OPA3: variants seen among roughly 807,000 people sequenced by gnomAD.
OPA3 encodes optic atrophy 3 protein.
Under a neutral mutation model 4.0 loss-of-function variants are expected in OPA3, and 6 were observed. The ratio of observed to expected loss-of-function variants is 1.51; its 90% CI spans 0.83 to 2.99. OPA3 has a LOEUF of 2.99. Ranked by LOEUF, OPA3 falls within the 30% of genes most tolerant of loss-of-function variation. The probability of loss-of-function intolerance (pLI) is 0.00; values close to 1 mark genes in which losing one functional copy is unlikely to be tolerated. For missense variants in OPA3, 235 were observed against 256.2 expected (o/e 0.92, Z 0.56); for synonymous variants, 105 against 117.1 (o/e 0.90, Z 0.67).
In OPA3 at chr19:45,552,064, T is replaced by C. The variant is rs958446193; in HGVS notation, c.*1450A>G. Reference sequence around the variant, plus strand: ...AATTTCCCACCACGGAAAGGGGGGTTGGAGGACATTCACAGAAAAGATCCT... The same window carrying C: ...AATTTCCCACCACGGAAAGGGGGGTCGGAGGACATTCACAGAAAAGATCCT... On this transcript the variant is annotated 3_prime_UTR_variant, in exon 2 of 2. Transcript: ENST00000263275. 1.0e-6 allele frequency: 1 copy of C among 985,412 alleles called. No individual in the cohort carries two copies. Among genetic ancestry groups the C allele is most frequent in the Non-Finnish European group, 1.2e-6 (1 of 830,012 alleles). 61.0% of individuals were successfully genotyped at this position (985,412 alleles called of 1,614,324 possible).
chr19:45,546,047 C>T (rs1969244887), downstream of OPA3, among the ~76,000 whole-genome samples: 5 of 151,932 alleles, frequency 3.3e-5, no homozygotes, highest in South Asian at 2.1e-4. Context: ...TAAAAAGTAA[C>T]GAAGTTGCCC....
At chr19:45,562,545 TG>T (rs1969520672) in intron 1 of OPA3, among the ~76,000 whole-genome samples, 1 of 148,004 alleles carries the variant, frequency 6.8e-6, no homozygotes, top group Non-Finnish European at 1.5e-5. Context: ...AAAGATTAGC[TG>T]GGTGTGATGG....
At position 45,550,813 on chromosome 19, in the gene OPA3, G is replaced by A. The variant is rs977316782; in HGVS notation, c.*2701C>T. ...CTCCTCTAATGAGAGAGCTACAGTC[G>A]GAAGGACAGACTGCAGGCTACTGGG... On this transcript the variant is annotated 3_prime_UTR_variant, in exon 2 of 2. Transcript: ENST00000263275. 2.6e-5 allele frequency: 26 copies of A among 986,038 alleles called. No individual in the cohort carries two copies. Among genetic ancestry groups the A allele is most frequent in the Admixed American group, 1.2e-4 (2 of 16,268 alleles). 61.1% of individuals were successfully genotyped at this position (986,038 alleles called of 1,614,324 possible).
intron 1 of OPA3, among the ~76,000 whole-genome samples, chr19:45,532,970 C>T (rs1969075498): frequency 6.6e-6 from 1 of 152,074 alleles, no homozygotes; most frequent in Non-Finnish European, 1.5e-5. Context: ...CGGCTCACTG[C>T]AACCTCTGCC....
chr19:45,552,196 C>T lies in OPA3; in HGVS notation c.*1318G>A, dbSNP rs2122431779. 4 of 982,898 alleles carry T rather than the reference C, an allele frequency of 4.1e-6. No homozygotes were observed. The highest frequency in any genetic ancestry group is 4.8e-6 in the Non-Finnish European group (4 of 828,982). The allele number at this position is 982,898 out of a possible 1,614,324, so 60.9% of individuals were successfully genotyped here. The stretch of plus-strand genomic sequence containing the variant: ...AAGGTACAATGATTCCAGGGATTGA[C>T]TGCAGGCCAGGACCTTTTGTGGGTT... On this transcript the variant is annotated 3_prime_UTR_variant, in exon 2 of 2. Coordinates refer to ENST00000263275, the MANE Select transcript of OPA3 (RefSeq NM_025136.4).
chr19:45,540,398 T>G (rs61533891), intron 1 of OPA3, among the ~76,000 whole-genome samples: 22,250 of 151,492 alleles, frequency 0.15, 1,780 homozygotes, highest in African/African-American at 0.2. Flanking sequence ...CCTTGCTGTT[T>G]AAACAAACAA....
In OPA3 at chr19:45,549,884, G is replaced by A. The variant is rs1969306140; in HGVS notation, c.*3630C>T. The A allele has an allele frequency of 5.1e-6, 5 of 985,326 alleles. No homozygotes were observed. Among genetic ancestry groups the A allele is most frequent in the African/African-American group, 1.7e-5 (1 of 57,194 alleles). 61.0% of individuals were successfully genotyped at this position (985,326 alleles called of 1,614,324 possible). A position where few individuals can be genotyped will look rare whatever the true frequency, so the allele number is the denominator to read the frequency against. ...ACTGAAATGCTGTTTCAGGCCAGGCGCGGTGGCTCACGCCTGTAATCCCAG... is the reference window on the plus strand; with the variant it reads ...ACTGAAATGCTGTTTCAGGCCAGGCACGGTGGCTCACGCCTGTAATCCCAG... On this transcript the variant is annotated 3_prime_UTR_variant, in exon 2 of 2. Coordinates refer to ENST00000263275, the MANE Select transcript of OPA3 (RefSeq NM_025136.4).
chr19:45,570,755 C>T (rs936897054), intron 1 of OPA3, among the ~76,000 whole-genome samples: 9 of 143,670 alleles, frequency 6.3e-5, no homozygotes, highest in Non-Finnish European at 1.2e-4. Context: ...CCCAGCTGCT[C>T]GGGAGGCTGA....
At chr19:45,540,592 G>A (rs1282057478) in intron 1 of OPA3, among the ~76,000 whole-genome samples, 2 of 151,214 alleles carry the variant, frequency 1.3e-5, no homozygotes, top group Admixed American at 6.6e-5. Flanking sequence ...AAGGGGGCCA[G>A]GCACGGTGGC....
At position 45,553,691 on chromosome 19, in the gene OPA3, C is replaced by G. The variant is rs1371810069; in HGVS notation, c.363G>C (p.Ala121=). 6.2e-7 allele frequency: 1 copy of G among 1,606,454 alleles called. No individual in the cohort carries two copies. Among genetic ancestry groups the G allele is most frequent in the Non-Finnish European group, 8.5e-7 (1 of 1,178,794 alleles). Residue 121 remains alanine, a synonymous_variant, in exon 2 of 2, where the codon GCG becomes GCC. Transcript: ENST00000263275. The part of the protein sequence containing the change: ...KEEEQRAAWN[A]LRDEVGHLAL... ...CCAGGTGGCCCACCTCGTCCCGCAGCGCGTTCCAGGCAGCACGCTGCTCCT... is the reference window on the plus strand; with the variant it reads ...CCAGGTGGCCCACCTCGTCCCGCAGGGCGTTCCAGGCAGCACGCTGCTCCT...
intron 1 of OPA3, among the ~76,000 whole-genome samples, chr19:45,580,130 G>A (rs1243872224): frequency 6.6e-6 from 1 of 151,222 alleles, no homozygotes; most frequent in Non-Finnish European, 1.5e-5. Context: ...CCGAGTAGCT[G>A]GGATTACAGG....
At chr19:45,584,301 C>T (rs950887175) in intron 1 of OPA3, 7 of 981,030 alleles carry the variant, frequency 7.1e-6, no homozygotes, top group Non-Finnish European at 8.5e-6. Flanking sequence ...CCTAGCTCCT[C>T]TATCCTGGAA....
downstream of OPA3, among the ~76,000 whole-genome samples, chr19:45,544,279 C>T (rs576033387): frequency 7.9e-5 from 12 of 152,262 alleles, no homozygotes; most frequent in South Asian, 4.1e-4. Flanking sequence ...AGCCACCACG[C>T]GGAGGAAACA....
downstream of OPA3, among the ~76,000 whole-genome samples, chr19:45,543,377 G>C (rs183259528): frequency 2.9e-3 from 437 of 151,276 alleles, 7 homozygotes; most frequent in Non-Finnish European, 1.8e-3. Context: ...CTGGAGTGCA[G>C]TGACGTGATC....
chr19:45,554,234 T>C (rs937914296), intron 1 of OPA3, among the ~76,000 whole-genome samples: 4 of 152,130 alleles, frequency 2.6e-5, no homozygotes, highest in Admixed American at 6.6e-5. Flanking sequence ...CCTGGCACTG[T>C]CGCCCCACCC....
At chr19:45,540,884 T>C (rs1481661325) in intron 1 of OPA3, among the ~76,000 whole-genome samples, 1 of 152,022 alleles carries the variant, frequency 6.6e-6, no homozygotes, top group African/African-American at 2.4e-5. Context: ...TCATGAATCA[T>C]AGGCAGGATG....
exon 2 of OPA3, chr19:45,528,112 G>C (rs1394493916): frequency 6.6e-6 from 1 of 152,342 alleles, no homozygotes; most frequent in African/African-American, 2.4e-5. Context: ...CCCTAGCAAA[G>C]GCAACTGAAG....
In OPA3 at chr19:45,552,409, T is replaced by C. The variant is rs1250734885; in HGVS notation, c.*1105A>G. The C allele has an allele frequency of 6.3e-6, 1 of 158,440 alleles. No individual in the cohort carries two copies. Among genetic ancestry groups the C allele is most frequent in the Non-Finnish European group, 1.3e-5 (1 of 74,286 alleles). 9.8% of individuals were successfully genotyped at this position (158,440 alleles called of 1,614,324 possible). The stretch of plus-strand genomic sequence containing the variant: ...TTTTAGTAGAGACGGGGTTTCATCA[T>C]ATTGGTCAGGCTGGTCTCGAGCTCC... On this transcript the variant is annotated 3_prime_UTR_variant, in exon 2 of 2. Transcript: ENST00000263275.
At chr19:45,577,562 C>G (rs572925929) in intron 1 of OPA3, among the ~76,000 whole-genome samples, 1 of 152,354 alleles carries the variant, frequency 6.6e-6, no homozygotes, top group African/African-American at 2.4e-5. Flanking sequence ...GCCCCTCCTC[C>G]AGTCGGCTGT....
Sources: allele counts gnomAD v4.1 joint callset (sites outside exome capture counted in the v4.1 genomes callset), GRCh38; gene constraint gnomAD v4.1.1; transcripts MANE v1.5; gene names NCBI Gene and HGNC (gene_info 2026-07-23, HGNC 2026-07-21).